Variants in IL1R1 observed in about 807,000 individuals in gnomAD.
The protein encoded by IL1R1 is interleukin 1 receptor type 1, also known as interleukin-1 receptor type 1.
Under a neutral mutation model 50.2 loss-of-function variants are expected in IL1R1, and 22 were observed. That is an observed-to-expected ratio of 0.44 (90% CI 0.31 to 0.63). IL1R1 has a LOEUF of 0.63. Ranked by LOEUF, IL1R1 falls within the 20% of genes least tolerant of loss-of-function variation. The pLI is 0.07. For synonymous variants in IL1R1, 251 were observed against 236.7 expected (o/e 1.06, Z -0.55); for missense variants, 509 against 676.2 (o/e 0.75, Z 2.74).
chr2:102,153,766 C>T (rs574741625), intron 1 of IL1R1, among the ~76,000 whole-genome samples, 175 bp from the exon 2 acceptor site: 2 of 152,320 alleles, frequency 1.3e-5, no homozygotes, highest in Admixed American at 6.5e-5. Flanking sequence ...GCTTCCCCAG[C>T]CATGCGGAGC....
intron 1 of IL1R1, among the ~76,000 whole-genome samples, chr2:102,153,105 T>A (rs1683843621): frequency 6.6e-6 from 1 of 152,204 alleles, no homozygotes; most frequent in Non-Finnish European, 1.5e-5. Flanking sequence ...TTTGAGGTTG[T>A]CTTAAATTAA....
chr2:102,166,308 G>T, intron 6 of IL1R1, 27 bp downstream of exon 6: 11 of 1,567,320 alleles, frequency 7.0e-6, no homozygotes, highest in African/African-American at 1.4e-5. Context: ...GCCCTAAAAG[G>T]TTTAGATCTG....
chr2:102,106,540 C>T (rs1680422110), intron 1 of IL1R1, among the ~76,000 whole-genome samples: 1 of 152,114 alleles, frequency 6.6e-6, no homozygotes, highest in African/African-American at 2.4e-5. Context: ...GGGTATACTT[C>T]TAAAATACGT....
At chr2:102,149,610 C>T (rs1174117952) in intron 1 of IL1R1, among the ~76,000 whole-genome samples, 4 of 152,278 alleles carry the variant, frequency 2.6e-5, no homozygotes, top group Admixed American at 2.6e-4. Context: ...CCTGGGATCC[C>T]TGAATTCCCT....
chr2:102,112,958 C>A (rs1014958500), intron 1 of IL1R1, among the ~76,000 whole-genome samples: 2 of 152,160 alleles, frequency 1.3e-5, no homozygotes, highest in African/African-American at 4.8e-5. Flanking sequence ...CTCTTTCTAC[C>A]ATGTGAGGAT....
chr2:102,162,168 T>C (rs1038834931), intron 3 of IL1R1, among the ~76,000 whole-genome samples: 4 of 152,238 alleles, frequency 2.6e-5, no homozygotes, highest in Non-Finnish European at 4.4e-5. Flanking sequence ...TTGGTATATG[T>C]ATACATTGTG....
chr2:102,083,317 A>T (rs1250732987), intron 1 of IL1R1, among the ~76,000 whole-genome samples: 1 of 152,196 alleles, frequency 6.6e-6, no homozygotes, highest in Non-Finnish European at 1.5e-5. Context: ...TCGTACTGAC[A>T]GTGTCTAGAA....
intron 1 of IL1R1, among the ~76,000 whole-genome samples, chr2:102,133,647 A>G (rs546022163): frequency 1.1e-4 from 16 of 152,350 alleles, no homozygotes; most frequent in African/African-American, 3.6e-4. Context: ...TAGTGAAACT[A>G]AAAAAAGAAA....
rs541279575 is a variant in IL1R1 at position 102,123,254 on chromosome 2, T to A, written c.-84+18382T>A. On this transcript the variant is annotated intron_variant, in intron 1 of 10. Coordinates refer to the IL1R1 transcript ENST00000409329. ...TAATAATTCCATGCTATCTTTATTA[T>A]CTGTGAAATTGTGTTTGTGTCTTAT... Among the ~76,000 whole-genome samples the A allele has an allele frequency of 6.6e-5, 10 of 152,340 alleles. No individual in the cohort carries two copies. In the East Asian group the frequency reaches 1.9e-3, roughly 29 times the overall value.
chr2:102,129,602 G>A (rs1681920271), intron 1 of IL1R1, among the ~76,000 whole-genome samples: 1 of 152,200 alleles, frequency 6.6e-6, no homozygotes, highest in African/African-American at 2.4e-5. Flanking sequence ...TCCTTATGGT[G>A]AACCTGACAG....
chr2:102,133,049 C>A (rs1332061649), intron 1 of IL1R1, among the ~76,000 whole-genome samples: 1 of 151,638 alleles, frequency 6.6e-6, no homozygotes, highest in Non-Finnish European at 1.5e-5. Flanking sequence ...TCAAGACCAT[C>A]CTGGCTAACA....
At chr2:102,128,004 C>G (rs774213313) in intron 1 of IL1R1, among the ~76,000 whole-genome samples, 1 of 152,148 alleles carries the variant, frequency 6.6e-6, no homozygotes, top group South Asian at 2.1e-4. Context: ...GATTTCAATT[C>G]TCGACAGTTC....
At chr2:102,162,674 G>A (rs1004483573) in intron 3 of IL1R1, among the ~76,000 whole-genome samples, 1 of 151,854 alleles carries the variant, frequency 6.6e-6, no homozygotes, top group Non-Finnish European at 1.5e-5. Flanking sequence ...AGTATACAAA[G>A]TTAAGAGTAT....
intron 3 of IL1R1, among the ~76,000 whole-genome samples, chr2:102,159,679 TA>T (rs1396578707): frequency 6.6e-6 from 1 of 152,176 alleles, no homozygotes; most frequent in Non-Finnish European, 1.5e-5. Flanking sequence ...GTGAGGTCAA[TA>T]ACACCACCAC....
rs267598802 is a variant in IL1R1, at chr2:102,172,745, G to A, written c.898G>A (p.Glu300Lys). The change falls in exon 9 of 12, where the codon GAA becomes AAA. Residue 300 changes from glutamate (E) to lysine (K), a missense_variant. Coordinates refer to ENST00000410023, the MANE Select transcript of IL1R1 (RefSeq NM_000877.4). ...STLITVLNIS[E>K]IESRFYKHPF... ...CCTCATCACAGTGCTTAATATATCG[G>A]AAATTGAAAGTAGATTTTATAAACA... 1 of 1,612,778 alleles carries A rather than the reference G, an allele frequency of 6.2e-7. No homozygotes were observed. The highest frequency in any genetic ancestry group is 1.1e-5 in the South Asian group (1 of 91,018).
intron 2 of IL1R1, chr2:102,156,177 G>T (rs189426493): frequency 6.5e-6 from 1 of 152,736 alleles, no homozygotes; most frequent in East Asian, 1.9e-4. Context: ...GTCACAGAAA[G>T]AGCTCATAGA....
intron 1 of IL1R1, among the ~76,000 whole-genome samples, chr2:102,151,313 C>A (rs984105880): frequency 1.2e-4 from 18 of 152,210 alleles, no homozygotes; most frequent in African/African-American, 4.1e-4. Context: ...GGTTCCCTTG[C>A]AATCCTATTC....
chr2:102,083,054 G>A (rs186197530), intron 1 of IL1R1, among the ~76,000 whole-genome samples: 29 of 152,258 alleles, frequency 1.9e-4, no homozygotes, highest in African/African-American at 5.5e-4. Context: ...GGGATGGTAA[G>A]CTTCTGTAGG....
Position 102,166,271 on chromosome 2 carries a change from T to A in IL1R1, c.645T>A (p.Phe215Leu). 1.2e-6 allele frequency: 2 copies of A among 1,613,022 alleles called. No individual in the cohort carries two copies. Among genetic ancestry groups the A allele is most frequent in the Non-Finnish European group, 1.7e-6 (2 of 1,179,256 alleles). The change falls in exon 6 of 12, where the codon TTT becomes TTA. Residue 215 changes from phenylalanine (F) to leucine (L), a missense_variant. Coordinates refer to ENST00000410023, the MANE Select transcript of IL1R1 (RefSeq NM_000877.4). Reference sequence around the variant, plus strand: ...ATCCTATTACCCGGGTAATAGAATTTATTACTCTAGGTGAGTCATAGCTCC... The same window carrying A: ...ATCCTATTACCCGGGTAATAGAATTAATTACTCTAGGTGAGTCATAGCTCC... The part of the protein sequence containing the change: ...KQYPITRVIE[F>L]ITLEENKPTR...
Sources: allele counts gnomAD v4.1 joint callset (sites outside exome capture counted in the v4.1 genomes callset), GRCh38; gene constraint gnomAD v4.1.1; transcripts MANE v1.5; gene names NCBI Gene and HGNC (gene_info 2026-07-23, HGNC 2026-07-21).